Variants in DLGAP1 observed in about 807,000 individuals in gnomAD.
DLGAP1 encodes disks large-associated protein 1.
A neutral mutation model predicts 90.8 loss-of-function variants in DLGAP1; 11 were observed. The ratio of observed to expected loss-of-function variants is 0.12; its 90% confidence interval spans 0.08 to 0.20. The LOEUF is 0.20. Among genes scored for constraint, DLGAP1 ranks in the 10% least tolerant of loss-of-function variants. The pLI is 1.00. For synonymous variants in DLGAP1, 558 were observed against 540.7 expected (o/e 1.03, Z -0.44); for missense variants, 1,050 against 1,333.8 (o/e 0.79, Z 3.31).
intron 1 of DLGAP1, among the ~76,000 whole-genome samples, chr18:4,250,362 C>T (rs2078755534): frequency 6.6e-6 from 1 of 152,168 alleles, no homozygotes; most frequent in Non-Finnish European, 1.5e-5. Context: ...CAGCTGTCAC[C>T]TCCTTGAGTA....
chr18:4,131,189 A>C (rs1017693811), intron 2 of DLGAP1, among the ~76,000 whole-genome samples: 1 of 151,222 alleles, frequency 6.6e-6, no homozygotes, highest in Admixed American at 6.6e-5. Flanking sequence ...TCAGGAAAAA[A>C]ACGTGGGCGT....
At chr18:4,066,448 C>T (rs569709883) in intron 2 of DLGAP1, among the ~76,000 whole-genome samples, 1 of 152,120 alleles carries the variant, frequency 6.6e-6, no homozygotes, top group Admixed American at 6.6e-5. Context: ...GTCTAATATC[C>T]AGCATCTACA....
chr18:3,777,620 G>GATCA (rs148114301), intron 5 of DLGAP1, among the ~76,000 whole-genome samples: 16,288 of 152,082 alleles, frequency 0.11, 1,067 homozygotes, highest in East Asian at 0.18. Context: ...ATATTATGAT[G>GATCA]ATCATCTCCT....
chr18:4,249,351 G>C (rs935656935), intron 1 of DLGAP1, among the ~76,000 whole-genome samples: 3 of 148,458 alleles, frequency 2.0e-5, no homozygotes, highest in African/African-American at 7.4e-5. Flanking sequence ...TTAAAATAAA[G>C]AGACTAGATG....
chr18:3,717,016 C>A, intron 7 of DLGAP1, among the ~76,000 whole-genome samples: 1 of 130,494 alleles, frequency 7.7e-6, no homozygotes. Flanking sequence ...TGGCTTGGAG[C>A]GGTGCAAAGA....
intron 2 of DLGAP1, among the ~76,000 whole-genome samples, chr18:4,117,442 T>G (rs897787178): frequency 6.6e-6 from 1 of 152,202 alleles, no homozygotes; most frequent in Non-Finnish European, 1.5e-5. Context: ...TTGATGTTGT[T>G]GTCTTGGCCA....
chr18:4,365,106 G>T (rs116251172), intron 1 of DLGAP1, among the ~76,000 whole-genome samples: 5,237 of 152,200 alleles, frequency 0.034, 150 homozygotes, highest in African/African-American at 0.076. Flanking sequence ...TCTTCCTTGT[G>T]AATATTAACA....
At chr18:3,901,427 C>T (rs1480365437) in intron 3 of DLGAP1, among the ~76,000 whole-genome samples, 1 of 152,044 alleles carries the variant, frequency 6.6e-6, no homozygotes, top group Non-Finnish European at 1.5e-5. Flanking sequence ...TGCTTTACAC[C>T]CCGTCCACTG....
intron 1 of DLGAP1, among the ~76,000 whole-genome samples, chr18:4,196,924 G>C (rs2077508548): frequency 6.6e-6 from 1 of 152,038 alleles, no homozygotes; most frequent in South Asian, 2.1e-4. Context: ...TATAATCCCA[G>C]CACTTTGGGA....
chr18:4,249,190 C>T (rs1568470974), intron 1 of DLGAP1, among the ~76,000 whole-genome samples: 1 of 152,146 alleles, frequency 6.6e-6, no homozygotes, highest in Non-Finnish European at 1.5e-5. Context: ...TGTATACTCC[C>T]TCCAGATGTG....
At chr18:4,077,551 T>C (rs1251814475) in intron 2 of DLGAP1, among the ~76,000 whole-genome samples, 1 of 151,758 alleles carries the variant, frequency 6.6e-6, no homozygotes, top group Non-Finnish European at 1.5e-5. Flanking sequence ...CCTATAAGAG[T>C]TGATTGTTAA....
intron 10 of DLGAP1, among the ~76,000 whole-genome samples, chr18:3,513,036 C>T (rs1043141846): frequency 2.0e-5 from 3 of 152,112 alleles, no homozygotes; most frequent in African/African-American, 7.2e-5. Flanking sequence ...TTTCCCTCTC[C>T]CTCTACATCA....
intron 7 of DLGAP1, among the ~76,000 whole-genome samples, chr18:3,640,337 T>C (rs572494552): frequency 6.6e-6 from 1 of 152,278 alleles, no homozygotes; most frequent in East Asian, 1.9e-4. Context: ...GGCACACTCT[T>C]AGGAGCAAAG....
chr18:4,262,698 T>C (rs2079026033), intron 1 of DLGAP1, among the ~76,000 whole-genome samples: 1 of 152,196 alleles, frequency 6.6e-6, no homozygotes, highest in South Asian at 2.1e-4. Flanking sequence ...GCACACTCTC[T>C]GTACCCAGAC....
In DLGAP1 at chr18:3,596,896, G is replaced by T. The variant is rs149735693; in HGVS notation, c.1592-14648C>A. The T allele has an allele frequency of 8.1e-4, 421 of 520,076 alleles. 2 individuals carry two copies. Among genetic ancestry groups the T allele is most frequent in the African/African-American group, 7.4e-3 (386 of 52,062 alleles). The allele number at this position is 520,076 out of a possible 1,614,324, so 32.2% of individuals were successfully genotyped here. A position where few individuals can be genotyped will look rare whatever the true frequency, so the allele number is the denominator to read the frequency against. On this transcript the variant is annotated intron_variant, in intron 7 of 12. Transcript: ENST00000315677. ...TGATGTTGGCCAATGCCGCCAGCAT[G>T]ATCTAGCAGGCCAAATCCTAATCTA...
intron 10 of DLGAP1, among the ~76,000 whole-genome samples, chr18:3,514,981 G>C (rs897835711): frequency 6.6e-6 from 1 of 152,058 alleles, no homozygotes; most frequent in Admixed American, 6.6e-5. Flanking sequence ...GGCCTCAAGC[G>C]ATCCACTCAT....
chr18:4,113,105 T>C (rs541996019), intron 2 of DLGAP1, among the ~76,000 whole-genome samples: 243 of 152,224 alleles, frequency 1.6e-3, no homozygotes, highest in Non-Finnish European at 2.6e-3. Context: ...AACAATTTAT[T>C]TTCCACTGGA....
chr18:3,544,183 A>C (rs1449566691), intron 9 of DLGAP1, among the ~76,000 whole-genome samples: 1 of 152,168 alleles, frequency 6.6e-6, no homozygotes, highest in Non-Finnish European at 1.5e-5. Flanking sequence ...TGAGGTCAGG[A>C]ATTCAAGACC....
intron 5 of DLGAP1, among the ~76,000 whole-genome samples, chr18:3,786,496 T>A (rs972491695): frequency 6.6e-6 from 1 of 152,194 alleles, no homozygotes; most frequent in Non-Finnish European, 1.5e-5. Flanking sequence ...GCAGAGAAGA[T>A]GTCATCCATG....
Sources: allele counts gnomAD v4.1 joint callset (sites outside exome capture counted in the v4.1 genomes callset), GRCh38; gene constraint gnomAD v4.1.1; transcripts MANE v1.5; gene names NCBI Gene and HGNC (gene_info 2026-07-23, HGNC 2026-07-21).